ATP2A2: variants seen among roughly 807,000 people sequenced by gnomAD.
ATP2A2 encodes the protein sarcoplasmic/endoplasmic reticulum calcium ATPase 2.
In ATP2A2, 14 loss-of-function variants were observed where a neutral mutation model predicts 109.3. The observed-to-expected ratio is 0.13, with a 90% CI of 0.08 to 0.20. The LOEUF (loss-of-function observed/expected upper bound fraction) is 0.20. Ranked by LOEUF, ATP2A2 falls within the 10% of genes least tolerant of loss-of-function variation. The pLI, the probability that ATP2A2 is intolerant of heterozygous loss-of-function variation, is 1.00. For synonymous variants in ATP2A2, 506 were observed against 490.9 expected (o/e 1.03, Z -0.41); for missense variants, 657 against 1,321.6 (o/e 0.50, Z 7.80).
At chr12:110,299,999 G>A (rs1368525481) in intron 5 of ATP2A2, among the ~76,000 whole-genome samples, 3 of 150,872 alleles carry the variant, frequency 2.0e-5, no homozygotes, top group Non-Finnish European at 4.4e-5. Context: ...CAGGTGGTCC[G>A]CCCGCCTCAG....
Position 110,340,406 on chromosome 12 carries a change from C to T in ATP2A2, c.1762-253C>T, listed in dbSNP as rs1022204210. 2.0e-5 allele frequency among the ~76,000 whole-genome samples: 3 copies of T among 151,846 alleles called. No homozygotes were observed. The highest frequency in any genetic ancestry group is 2.1e-4 in the South Asian group (1 of 4,818). On this transcript the variant is annotated intron_variant, in intron 13 of 19. Coordinates refer to ENST00000539276, the MANE Select transcript of ATP2A2 (RefSeq NM_170665.4). The surrounding 1 kb of genome is among the most constrained non-coding windows in gnomAD (Gnocchi z 6.0). ...ATACAAAATTAGCCAGGTGTGGTGG[C>T]GCATACCTGTAGTCCCAGCTACCCT... is the stretch of plus-strand genomic sequence containing the variant.
intron 3 of ATP2A2, among the ~76,000 whole-genome samples, chr12:110,284,000 A>G (rs1437259859): frequency 2.0e-5 from 3 of 152,252 alleles, no homozygotes; most frequent in South Asian, 2.1e-4. Context: ...AAATCCTGCT[A>G]TGATACTTTA....
intron 5 of ATP2A2, among the ~76,000 whole-genome samples, chr12:110,319,151 G>C (rs915016418): frequency 7.0e-6 from 1 of 143,240 alleles, no homozygotes; most frequent in Non-Finnish European, 1.5e-5. Flanking sequence ...CAAGGCTGTA[G>C]TTCACCGTGA....
intron 6 of ATP2A2, among the ~76,000 whole-genome samples, chr12:110,324,805 G>A (rs896316810): frequency 1.3e-5 from 2 of 150,746 alleles, no homozygotes; most frequent in Admixed American, 6.6e-5. Context: ...TGAGAGAGCA[G>A]TTATAGTCTC....
chr12:110,316,041 C>A (rs1414396219), intron 5 of ATP2A2, among the ~76,000 whole-genome samples: 1 of 152,184 alleles, frequency 6.6e-6, no homozygotes, highest in Admixed American at 6.5e-5. Context: ...GAGCCGAGAT[C>A]ATGCCACTGC....
At chr12:110,289,319 C>T (rs752455123) in intron 3 of ATP2A2, among the ~76,000 whole-genome samples, 18 of 152,294 alleles carry the variant, frequency 1.2e-4, no homozygotes, top group Middle Eastern at 3.4e-3. Context: ...GATATGCTCT[C>T]CTTGGCAAAT....
upstream of ATP2A2, chr12:110,280,942 AGCGCCCCACCCT>A (rs1871968329): frequency 6.6e-6 from 1 of 152,186 alleles, no homozygotes; most frequent in Non-Finnish European, 1.5e-5. Flanking sequence ...GCCCACTGTG[AGCGCCCCACCCT>A]GCGTCTGCAG....
In ATP2A2 at chr12:110,339,207, T is replaced by A; in HGVS notation, c.1420-74T>A. Reference sequence around the variant, plus strand: ...TTCCTAGCATCTGTCATGTAATAGGTGTGCTTACTGCTTGTTAGGTAAAAA... The same window carrying A: ...TTCCTAGCATCTGTCATGTAATAGGAGTGCTTACTGCTTGTTAGGTAAAAA... On this transcript the variant is annotated intron_variant, in intron 11 of 19. Transcript: ENST00000539276. The surrounding 1 kb of genome is among the most constrained non-coding windows in gnomAD (Gnocchi z 4.4). 2 of 1,576,820 alleles carry A rather than the reference T, an allele frequency of 1.3e-6. No homozygotes were observed. The highest frequency in any genetic ancestry group is 1.7e-5 in the Admixed American group (1 of 59,920).
chr12:110,346,329 G>T lies in ATP2A2; in HGVS notation c.2988G>T (p.Glu996Asp). 1 of 1,614,186 alleles carries T rather than the reference G, an allele frequency of 6.2e-7. No individual in the cohort carries two copies. Residue 996 changes from glutamate (E) to aspartate (D), a missense_variant, in exon 20 of 20, where the codon GAG becomes GAT. Transcript: ENST00000539276. ...VARNYLEPGK[E>D]CVQPATKSCS... Reference sequence around the variant, plus strand: ...GCAACTACCTGGAACCTGGTAAAGAGTGTGTGCAGCCTGCCACCAAATCCT... The same window carrying T: ...GCAACTACCTGGAACCTGGTAAAGATTGTGTGCAGCCTGCCACCAAATCCT...
chr12:110,333,161 A>C lies in ATP2A2; in HGVS notation c.1185-20A>C. 1 of 1,597,310 alleles carries C rather than the reference A, an allele frequency of 6.3e-7. No homozygotes were observed. The highest frequency in any genetic ancestry group is 8.6e-7 in the Non-Finnish European group (1 of 1,165,120). On this transcript the variant is annotated intron_variant, in intron 9 of 19. Coordinates refer to ENST00000539276, the MANE Select transcript of ATP2A2 (RefSeq NM_170665.4). ...AGTGGCGACCATACCCTGCTCTAAG[A>C]GTGTTTTCTCTTTGGGCAGGCATAA...
At chr12:110,303,770 C>T (rs908172405) in intron 5 of ATP2A2, among the ~76,000 whole-genome samples, 6 of 151,876 alleles carry the variant, frequency 4.0e-5, no homozygotes, top group East Asian at 3.9e-4. Flanking sequence ...CATGTTGGCC[C>T]GGCAAGTCTT....
chr12:110,342,110 T>C lies in ATP2A2; in HGVS notation c.2098-118T>C, dbSNP rs1273656995. ...ATGAAACAAAAATTCTAAAACTCTT[T>C]GCCAAGAGACCTACGGCTCTATTCA... On this transcript the variant is annotated intron_variant, in intron 14 of 19. Transcript: ENST00000539276. This position sits in a 1 kb window ranked among gnomAD's most constrained non-coding sequence, Gnocchi z 4.6. 5 of 1,152,528 alleles carry C rather than the reference T, an allele frequency of 4.3e-6. No individual in the cohort carries two copies. The highest frequency in any genetic ancestry group is 5.2e-6 in the Non-Finnish European group (4 of 773,956). The allele number at this position is 1,152,528 out of a possible 1,614,324, so 71.4% of individuals were successfully genotyped here.
chr12:110,350,514 A>G lies in ATP2A2; in HGVS notation c.*4044A>G. ...AAATCAAAATACTGATTACAGATGT[A>G]CAATTTAGCTTAATCAGAAAGCCTC... On this transcript the variant is annotated 3_prime_UTR_variant, in exon 20 of 20. Coordinates refer to ENST00000539276, the MANE Select transcript of ATP2A2 (RefSeq NM_170665.4). The G allele has an allele frequency of 1.3e-6, 1 of 764,014 alleles. No individual in the cohort carries two copies. The highest frequency in any genetic ancestry group is 1.9e-5 in the South Asian group (1 of 53,070). The allele number at this position is 764,014 out of a possible 1,614,324, so 47.3% of individuals were successfully genotyped here. A position where few individuals can be genotyped will look rare whatever the true frequency, so the allele number is the denominator to read the frequency against.
At chr12:110,332,462 A>G (rs1878430239) in intron 8 of ATP2A2, 135 bp from the exon 9 acceptor site, 1 of 778,044 alleles carries the variant, frequency 1.3e-6, no homozygotes, top group South Asian at 1.4e-5. Flanking sequence ...AGTGAGCCTC[A>G]GTGAGTTTTA....
At position 110,344,887 on chromosome 12, in the gene ATP2A2, T is replaced by G. The variant is rs759043100; in HGVS notation, c.2523T>G (p.Cys841Trp). ...WLFFRYLAIGCYVGAATVGAA... is the reference protein window; with the variant it reads ...WLFFRYLAIGWYVGAATVGAA... The stretch of plus-strand genomic sequence containing the variant: ...CAGCATCACTGTGTTTGTTCCCAGG[T>G]TACGTCGGCGCTGCTACCGTGGGTG... The change falls in exon 17 of 20, where the codon TGT becomes TGG. Residue 841 changes from cysteine (C) to tryptophan (W), a missense_variant and splice_region_variant. Transcript: ENST00000539276. 6.2e-7 allele frequency: 1 copy of G among 1,614,164 alleles called. No homozygotes were observed. Among genetic ancestry groups the G allele is most frequent in the South Asian group, 1.1e-5 (1 of 91,076 alleles).
At chr12:110,282,903 A>G in intron 3 of ATP2A2, 108 bp downstream of exon 3, 2 of 964,510 alleles carry the variant, frequency 2.1e-6, no homozygotes, top group South Asian at 2.8e-5. Context: ...TTGGAGTTGC[A>G]AGCTGTGTCT....
intron 9 of ATP2A2, 139 bp from the exon 10 acceptor site, chr12:110,333,042 C>G (rs1161049916): frequency 1.3e-6 from 1 of 791,668 alleles, no homozygotes; most frequent in Non-Finnish European, 2.2e-6. Context: ...GCTCTGGCAT[C>G]AAATTGTTTG....
chr12:110,348,039 A>G lies in ATP2A2; in HGVS notation c.*1569A>G, dbSNP rs894842795. On this transcript the variant is annotated 3_prime_UTR_variant, in exon 20 of 20. Coordinates refer to ENST00000539276, the MANE Select transcript of ATP2A2 (RefSeq NM_170665.4). ...TAGGACAAGATGACCAGGAGGGCCCAAGCCAGACAAAAGCCGGAGTGGGGA... is the reference window on the plus strand; with the variant it reads ...TAGGACAAGATGACCAGGAGGGCCCGAGCCAGACAAAAGCCGGAGTGGGGA... The G allele has an allele frequency of 6.1e-6, 6 of 986,550 alleles. No homozygotes were observed. In the African/African-American group the frequency reaches 8.7e-5, roughly 14 times the overall value. 61.1% of individuals were successfully genotyped at this position (986,550 alleles called of 1,614,324 possible). A position where few individuals can be genotyped will look rare whatever the true frequency, so the allele number is the denominator to read the frequency against.
At position 110,347,615 on chromosome 12, in the gene ATP2A2, C is replaced by A. The variant is rs1307212038; in HGVS notation, c.*1145C>A. 6.6e-6 allele frequency: 8 copies of A among 1,214,418 alleles called. No homozygotes were observed. The highest frequency in any genetic ancestry group is 5.9e-5 in the Admixed American group (2 of 33,696). 75.2% of individuals were successfully genotyped at this position (1,214,418 alleles called of 1,614,324 possible). On this transcript the variant is annotated 3_prime_UTR_variant, in exon 20 of 20. Coordinates refer to ENST00000539276, the MANE Select transcript of ATP2A2 (RefSeq NM_170665.4). ...TGTAAAATCTGTAAATAGCACATGA[C>A]CAAATGAACATATTGTATAGAACTA...
Sources: allele counts gnomAD v4.1 joint callset (sites outside exome capture counted in the v4.1 genomes callset), GRCh38; gene constraint gnomAD v4.1.1; non-coding constraint Gnocchi (gnomAD v3.1); transcripts MANE v1.5; gene names NCBI Gene and HGNC (gene_info 2026-07-23, HGNC 2026-07-21).